Variants in TRAFD1 observed in about 807,000 individuals in gnomAD.
TRAFD1 encodes the protein TRAF-type zinc finger domain containing 1, also known as TRAF-type zinc finger domain-containing protein 1.
A neutral mutation model predicts 65.3 loss-of-function variants in TRAFD1; 38 were observed. The observed-to-expected ratio is 0.58, with a 90% CI of 0.45 to 0.76. TRAFD1 has a LOEUF of 0.76. TRAFD1 is among the 30% of genes least tolerant of loss of function. The pLI is 0.00. For missense variants in TRAFD1, 631 were observed against 712.6 expected, an observed-to-expected ratio of 0.89 and a Z score of 1.30; for synonymous variants, 223 against 257.2, an observed-to-expected ratio of 0.87 and a Z score of 1.27.
intron 1 of TRAFD1, among the ~76,000 whole-genome samples, chr12:112,129,193 A>AC (rs2079555170): frequency 1.2e-5 from 1 of 81,360 alleles, no homozygotes; most frequent in Non-Finnish European, 2.2e-5. Context: ...TGGGATGGTG[A>AC]TTTTTTTTTT....
In TRAFD1 at chr12:112,149,850, A is replaced by G; in HGVS notation, c.1258A>G (p.Arg420Gly). The change falls in exon 9 of 12, where the codon AGG (arginine) becomes GGG (glycine). Residue 420 changes from arginine (R) to glycine (G), a missense_variant. Transcript: ENST00000412615. ...QPQETSPELP[R>G]RRVRHQGDLS... ...TCAAGAGACCTCACCAGAGCTGCCCAGGAGGCGTGTCAGACACCAGGGTAT... is the reference window on the plus strand; with the variant it reads ...TCAAGAGACCTCACCAGAGCTGCCCGGGAGGCGTGTCAGACACCAGGGTAT... The G allele has an allele frequency of 6.2e-7, 1 of 1,614,182 alleles. No homozygotes were observed. Among genetic ancestry groups the G allele is most frequent in the African/African-American group, 1.3e-5 (1 of 75,066 alleles).
At chr12:112,127,796 G>C (rs1471899649) in intron 1 of TRAFD1, among the ~76,000 whole-genome samples, 2 of 151,710 alleles carry the variant, frequency 1.3e-5, no homozygotes, top group Non-Finnish European at 2.9e-5. Flanking sequence ...GGATGGTCTC[G>C]ATCTCCTGAC....
At chr12:112,141,849 A>G (rs556101936) in intron 5 of TRAFD1, 2 of 485,322 alleles carry the variant, frequency 4.1e-6, no homozygotes, top group African/African-American at 3.8e-5. Context: ...CTGTCTCATA[A>G]TTATGGCTCA....
rs772010558 is a variant in TRAFD1 at position 112,137,637 on chromosome 12, C to CTA, written c.237+2574_237+2575dup. On this transcript the variant is annotated intron_variant, in intron 4 of 11. Transcript: ENST00000412615. The surrounding 1 kb of genome is among the most constrained non-coding windows in gnomAD (Gnocchi z 4.2). The stretch of plus-strand genomic sequence containing the variant: ...ATTAGCTGGGCGTGGTGGCGGGCGC[C>CTA]TATAGTCCCAGCTACTTGGGAGGCT... Among the ~76,000 whole-genome samples, 7 of 152,278 alleles carry CTA rather than the reference C, an allele frequency of 4.6e-5. No individual in the cohort carries two copies. Among genetic ancestry groups the CTA allele is most frequent in the African/African-American group, 1.7e-4 (7 of 41,576 alleles).
intron 2 of TRAFD1, among the ~76,000 whole-genome samples, chr12:112,131,366 A>T (rs1364568610): frequency 6.6e-6 from 1 of 152,232 alleles, no homozygotes; most frequent in African/African-American, 2.4e-5. Context: ...ATTAGGAGGA[A>T]TCTCAAGCCT....
chr12:112,145,470 A>G, intron 6 of TRAFD1, 116 bp from the exon 7 acceptor site: 2 of 1,002,226 alleles, frequency 2.0e-6, no homozygotes, highest in Non-Finnish European at 1.5e-6. Context: ...ATTGCTATCT[A>G]TAAGAAACAT....
intron 1 of TRAFD1, among the ~76,000 whole-genome samples, chr12:112,127,675 G>A (rs1030433024): frequency 1.4e-5 from 2 of 147,220 alleles, no homozygotes; most frequent in African/African-American, 5.1e-5. Flanking sequence ...TTTGTTTTTT[G>A]TTTTTTTTGA....
intron 8 of TRAFD1, among the ~76,000 whole-genome samples, chr12:112,149,057 AAAATACAAAAAT>A (rs1236063194): frequency 2.6e-5 from 4 of 152,014 alleles, no homozygotes; most frequent in African/African-American, 9.7e-5. Flanking sequence ...ATCTCTACCA[AAAATACAAAAAT>A]TAGCTGGATG....
chr12:112,148,071 C>T lies in TRAFD1; in HGVS notation c.928-3C>T, dbSNP rs779009658. 24 of 1,605,568 alleles carry T rather than the reference C, an allele frequency of 1.5e-5. No homozygotes were observed. Among genetic ancestry groups the T allele is most frequent in the Non-Finnish European group, 2.0e-5 (23 of 1,174,870 alleles). On this transcript the variant is annotated splice_region_variant and splice_polypyrimidine_tract_variant and intron_variant, in intron 7 of 11. Coordinates refer to ENST00000412615, the MANE Select transcript of TRAFD1 (RefSeq NM_006700.3). ...TTTTTAACCTATATTTTTTGAATGA[C>T]AGACAAGCTGTAACCCTTCACGTGC...
chr12:112,147,958 C>T (rs893032568), intron 7 of TRAFD1, 116 bp from the exon 8 acceptor site: 14 of 970,152 alleles, frequency 1.4e-5, no homozygotes, highest in African/African-American at 9.9e-5. Flanking sequence ...CGTGAGCCAC[C>T]GCGCCCGGCC....
chr12:112,148,123 C>G lies in TRAFD1; in HGVS notation c.977C>G (p.Ser326Cys), dbSNP rs763386004. 1.2e-6 allele frequency: 2 copies of G among 1,614,196 alleles called. No homozygotes were observed. Among genetic ancestry groups the G allele is most frequent in the East Asian group, 4.5e-5 (2 of 44,884 alleles). The change falls in exon 8 of 12, where the codon TCT becomes TGT. Residue 326 changes from serine to cysteine, a missense_variant. By Grantham distance (112) the Ser-to-Cys change is moderately radical. Transcript: ENST00000412615. ...RALPSLNTGS[S>C]SPRGVEEPDV... ...TTACCTTCACTCAATACTGGCAGCT[C>G]TTCCCCCAGAGGGGTGGAGGAACCT...
intron 1 of TRAFD1, among the ~76,000 whole-genome samples, chr12:112,126,816 A>G (rs1490633801): frequency 2.0e-5 from 3 of 152,008 alleles, no homozygotes; most frequent in Non-Finnish European, 4.4e-5. Flanking sequence ...ACCACGCCCA[A>G]CTAATTTTTG....
intron 6 of TRAFD1, 74 bp from the exon 7 acceptor site, chr12:112,145,512 A>T: frequency 6.8e-7 from 1 of 1,466,928 alleles, no homozygotes; most frequent in Admixed American, 1.8e-5. Flanking sequence ...ATAAGACCCC[A>T]TAAAGAGGAT....
chr12:112,139,901 C>G (rs1317931851), intron 4 of TRAFD1, among the ~76,000 whole-genome samples: 1 of 151,956 alleles, frequency 6.6e-6, no homozygotes, highest in Non-Finnish European at 1.5e-5. Flanking sequence ...ACTCAGGAAG[C>G]TGAGGCACAA....
chr12:112,143,304 C>T (rs965617192), intron 6 of TRAFD1, among the ~76,000 whole-genome samples: 23 of 152,210 alleles, frequency 1.5e-4, no homozygotes, highest in Admixed American at 1.3e-3. Context: ...TTGTCTCGAT[C>T]TCCTGACCTC....
intron 2 of TRAFD1, among the ~76,000 whole-genome samples, chr12:112,132,023 C>G (rs1044186728): frequency 1.3e-5 from 2 of 151,998 alleles, no homozygotes; most frequent in Admixed American, 1.3e-4. Flanking sequence ...ACAAGTTATC[C>G]TGAACAGCCT....
rs2079562201 is a variant in TRAFD1 at position 112,130,442 on chromosome 12, G to T, written c.-12-69G>T. 7.5e-7 allele frequency: 1 copy of T among 1,325,138 alleles called. No homozygotes were observed. The highest frequency in any genetic ancestry group is 1.1e-6 in the Non-Finnish European group (1 of 930,652). 82.1% of individuals were successfully genotyped at this position (1,325,138 alleles called of 1,614,324 possible). A position where few individuals can be genotyped will look rare whatever the true frequency, so the allele number is the denominator to read the frequency against. On this transcript the variant is annotated intron_variant, in intron 1 of 11. Coordinates refer to ENST00000412615, the MANE Select transcript of TRAFD1 (RefSeq NM_006700.3). This position sits in a 1 kb window ranked among gnomAD's most constrained non-coding sequence, Gnocchi z 4.4. Reference sequence around the variant, plus strand: ...GTTTCTGTATACTAGTTTTTTATTTGTTTTTTTGCATGTCATCTTTAAAGC... The same window carrying T: ...GTTTCTGTATACTAGTTTTTTATTTTTTTTTTTGCATGTCATCTTTAAAGC...
Position 112,126,565 on chromosome 12 carries a change from G to A in TRAFD1, c.-13+947G>A, listed in dbSNP as rs77795051. ...CAAGCACCTGCTACATCTGAGCTCT[G>A]GCCTTAGAGTTGGCCAGAGTGGGCT... is the stretch of plus-strand genomic sequence containing the variant. On this transcript the variant is annotated intron_variant, in intron 1 of 11. Coordinates refer to ENST00000412615, the MANE Select transcript of TRAFD1 (RefSeq NM_006700.3). Among the ~76,000 whole-genome samples the A allele has an allele frequency of 1.7e-3, 258 of 152,230 alleles. 2 individuals carry two copies. The highest frequency in any genetic ancestry group is 5.9e-3 in the African/African-American group (245 of 41,530).
intron 5 of TRAFD1, 27 bp from the exon 6 acceptor site, chr12:112,142,062 G>C (rs771170560): frequency 6.2e-7 from 1 of 1,609,198 alleles, no homozygotes; most frequent in African/African-American, 1.3e-5. Context: ...AATGTATCCT[G>C]AATGTTGGTT....
Sources: gnomAD v4.1 joint callset for allele counts (sites outside exome capture counted in the v4.1 genomes callset) on GRCh38, gnomAD v4.1.1 for gene constraint, Gnocchi (gnomAD v3.1) non-coding constraint, MANE v1.5 for transcripts, NCBI Gene and HGNC (gene_info 2026-07-23, HGNC 2026-07-21) for gene names.